The following CPAP variants were observed in gnomAD, a reference collection of about 807,000 sequenced individuals.
CPAP encodes the protein centrosomal P4.1-associated protein.
At chr13:24,896,149 A>T in the CPAP span, among the ~76,000 whole-genome samples, 3 of 152,250 alleles carry the variant, frequency 2.0e-5, no homozygotes, top group Non-Finnish European at 4.4e-5. Flanking sequence ...GAAGAAAAGG[A>T]ACTGCACCAA....
the CPAP span, chr13:24,883,063 A>G: frequency 1.1e-6 from 1 of 950,594 alleles, no homozygotes; most frequent in Non-Finnish European, 1.7e-6. Context: ...CTTTTATTTT[A>G]GAATCTAATC....
At chr13:24,883,264 T>C in the CPAP span, 17 of 1,614,014 alleles carry the variant, frequency 1.1e-5, no homozygotes, top group Non-Finnish European at 1.4e-5. Context: ...GATGACCGTT[T>C]GCATATACGG....
chr13:24,895,085 G>C, the CPAP span, among the ~76,000 whole-genome samples: 3 of 152,242 alleles, frequency 2.0e-5, no homozygotes, highest in Non-Finnish European at 4.4e-5. Flanking sequence ...CCAGGTCCCG[G>C]TGAGCACGGC....
the CPAP span, chr13:24,912,145 C>A: frequency 7.3e-7 from 1 of 1,366,636 alleles, no homozygotes; most frequent in Non-Finnish European, 1.0e-6. Flanking sequence ...TTAATTCCTC[C>A]CATCTCCCTC....
chr13:24,901,368 T>C, the CPAP span, among the ~76,000 whole-genome samples: 1 of 152,166 alleles, frequency 6.6e-6, no homozygotes, highest in South Asian at 2.1e-4. Flanking sequence ...CTTTAGCAGG[T>C]GAAAGATGGC....
At chr13:24,905,696 G>A in the CPAP span, 182 of 1,614,108 alleles carry the variant, frequency 1.1e-4, no homozygotes, top group East Asian at 3.1e-3. Flanking sequence ...TGAGGATCTC[G>A]AGGGCTCAGA....
At chr13:24,923,244 GT>G in the CPAP span, among the ~76,000 whole-genome samples, 46,236 of 146,390 alleles carry the variant, frequency 0.32, 7,844 homozygotes, top group South Asian at 0.47. Flanking sequence ...TTTGGGTTTT[GT>G]TTTTTTTTTT....
At chr13:24,909,290 G>GC in the CPAP span, among the ~76,000 whole-genome samples, 30 of 152,184 alleles carry the variant, frequency 2.0e-4, no homozygotes, top group Admixed American at 6.5e-4. Flanking sequence ...ACTTTGGGAG[G>GC]CCAAGGCAGG....
At chr13:24,892,874 A>C in the CPAP span, 1 of 1,482,726 alleles carries the variant, frequency 6.7e-7, no homozygotes, top group East Asian at 2.3e-5. Flanking sequence ...AAGTCTCTCA[A>C]AAAAAAAAAA....
the CPAP span, among the ~76,000 whole-genome samples, chr13:24,900,196 C>A: frequency 6.6e-6 from 1 of 152,108 alleles, no homozygotes; most frequent in East Asian, 1.9e-4. Context: ...CAAGGGTGTC[C>A]ACACACAGCA....
the CPAP span, chr13:24,889,093 C>T: frequency 8.1e-5 from 44 of 541,652 alleles, no homozygotes; most frequent in Non-Finnish European, 1.1e-4. Flanking sequence ...AATTTATGAA[C>T]GCAACAAGGT....
the CPAP span, chr13:24,892,587 G>T: frequency 1.5e-6 from 2 of 1,305,400 alleles, no homozygotes; most frequent in Non-Finnish European, 2.2e-6. Flanking sequence ...GAATTTGAAT[G>T]CTCAGATATT....
At chr13:24,890,974 A>C in the CPAP span, among the ~76,000 whole-genome samples, 1 of 152,048 alleles carries the variant, frequency 6.6e-6, no homozygotes, top group Non-Finnish European at 1.5e-5. Flanking sequence ...CGTCTTAAAA[A>C]AAAAATTCCC....
At chr13:24,907,869 G>GA in the CPAP span, 4 of 647,152 alleles carry the variant, frequency 6.2e-6, no homozygotes, top group Admixed American at 9.7e-5. Flanking sequence ...GTTGTTGACA[G>GA]TACATAATAG....
the CPAP span, chr13:24,882,308 A>C: frequency 6.6e-6 from 1 of 151,602 alleles, no homozygotes; most frequent in South Asian, 2.1e-4. Flanking sequence ...TTTCATATTC[A>C]GTTAAGTCAC....
At chr13:24,887,589 AT>A in the CPAP span, among the ~76,000 whole-genome samples, 1 of 152,174 alleles carries the variant, frequency 6.6e-6, no homozygotes, top group African/African-American at 2.4e-5. Flanking sequence ...GGACCATCTA[AT>A]TGCAGGAAAA....
At chr13:24,912,051 TC>T in the CPAP span, 1 of 1,613,788 alleles carries the variant, frequency 6.2e-7, no homozygotes, top group East Asian at 2.2e-5. Flanking sequence ...TCCTGCTTCT[TC>T]TGTTGTACTT....
chr13:24,925,618 G>T, the CPAP span, among the ~76,000 whole-genome samples: 1 of 152,170 alleles, frequency 6.6e-6, no homozygotes, highest in Non-Finnish European at 1.5e-5. Context: ...GAAAAAAAGT[G>T]GGGGAGGACA....
chr13:24,918,383 T>C, the CPAP span, among the ~76,000 whole-genome samples: 108 of 152,300 alleles, frequency 7.1e-4, no homozygotes, highest in South Asian at 1.5e-3. Flanking sequence ...AAAAAACAAA[T>C]TGATATGCAG....
Sources: gnomAD v4.1 joint callset for allele counts (sites outside exome capture counted in the v4.1 genomes callset) on GRCh38, gnomAD v4.1.1 for gene constraint, MANE v1.5 for transcripts, NCBI Gene and HGNC (gene_info 2026-07-23, HGNC 2026-07-21) for gene names.